Variants in PTPDC1 observed in about 807,000 individuals in gnomAD.
PTPDC1 encodes the protein protein tyrosine phosphatase domain-containing protein 1.
In PTPDC1, 53 loss-of-function variants were observed where a neutral mutation model predicts 75.3. The ratio of observed to expected loss-of-function variants is 0.70; its 90% CI spans 0.56 to 0.88. The LOEUF (loss-of-function observed/expected upper bound fraction) is 0.88. PTPDC1 is among the 40% of genes least tolerant of loss of function. The probability of loss-of-function intolerance (pLI) is 0.00; values close to 1 mark genes in which losing one functional copy is unlikely to be tolerated. For synonymous variants in PTPDC1, 349 were observed against 366.2 expected (o/e 0.95, Z 0.54); for missense variants, 925 against 998.6 (o/e 0.93, Z 0.99).
chr9:94,101,741 TA>T lies in PTPDC1; in HGVS notation c.2190del (p.Leu730PhefsTer2). On this transcript the variant is annotated frameshift_variant, in exon 7 of 9. Coordinates refer to ENST00000620992, the MANE Select transcript of PTPDC1 (RefSeq NM_001253829.2). LOFTEE classifies it high-confidence loss of function. ...RRADAAEALF[L>X]LEKGQHQTIL... ...GCAGATGCCGCAGAAGCACTTTTTT[TA>T]TTAGAGAAGGTAAAGTGGCTGTAGG... 6.2e-6 allele frequency: 10 copies of T among 1,609,290 alleles called. No individual in the cohort carries two copies. The highest frequency in any genetic ancestry group is 8.5e-6 in the Non-Finnish European group (10 of 1,177,066).
At chr9:94,103,027 C>CCT (rs1554700448) in intron 7 of PTPDC1, among the ~76,000 whole-genome samples, 1 of 151,492 alleles carries the variant, frequency 6.6e-6, no homozygotes, top group Non-Finnish European at 1.5e-5. Context: ...CACACGGACA[C>CCT]ATGGACGGAT....
chr9:94,089,347 C>G (rs561203878), intron 4 of PTPDC1, among the ~76,000 whole-genome samples: 2 of 149,796 alleles, frequency 1.3e-5, no homozygotes, highest in Admixed American at 6.7e-5. Flanking sequence ...TTTGTTCTTG[C>G]GATAGTTTAC....
rs78265453 is a variant in PTPDC1 at position 94,101,415 on chromosome 9, G to A, written c.2014-151G>A. ...GTCCAGTGTCCAGCCTGGAAGTGGA[G>A]AGGCTGGGAGGGGTCCCAGTTCTGC... On this transcript the variant is annotated intron_variant, in intron 6 of 8. Transcript: ENST00000620992. 1,749 of 526,742 alleles carry A rather than the reference G, an allele frequency of 3.3e-3. 17 individuals carry two copies. Among genetic ancestry groups the A allele is most frequent in the African/African-American group, 0.029 (1,507 of 51,628 alleles). 32.6% of individuals were successfully genotyped at this position (526,742 alleles called of 1,614,324 possible).
At position 94,084,570 on chromosome 9, in the gene PTPDC1, C is replaced by T. The variant is rs150533410; in HGVS notation, c.40C>T (p.Arg14Cys). Reference protein sequence around the residue: ...QDATRRPSAVRFLSSFLQGRR... With the variant: ...QDATRRPSAVCFLSSFLQGRR... ...TGCAACCAGGCGGCCCTCAGCCGTG[C>T]GCTTCCTCAGCTCCTTTCTCCAGGG... The change falls in exon 1 of 9, where the codon CGC (arginine) becomes TGC (cysteine). Residue 14 changes from arginine to cysteine, a missense_variant. Coordinates refer to ENST00000620992, the MANE Select transcript of PTPDC1 (RefSeq NM_001253829.2). The T allele has an allele frequency of 1.6e-4, 252 of 1,613,404 alleles. No individual in the cohort carries two copies. The highest frequency in any genetic ancestry group is 1.7e-4 in the Middle Eastern group (1 of 5,810).
chr9:94,031,165 A>T (rs1475905133), intron 1 of PTPDC1: 1 of 152,208 alleles, frequency 6.6e-6, no homozygotes, highest in Non-Finnish European at 1.5e-5. Flanking sequence ...CACACTCAGT[A>T]TGGTTCTTTC....
upstream of PTPDC1, chr9:94,084,404 C>A (rs1826987868): frequency 2.1e-6 from 3 of 1,440,166 alleles, no homozygotes; most frequent in Non-Finnish European, 2.7e-6. Context: ...CCATGGAAAC[C>A]AGTCAGCCAA....
At chr9:94,049,484 G>T (rs1587846506) in intron 1 of PTPDC1, among the ~76,000 whole-genome samples, 1 of 152,116 alleles carries the variant, frequency 6.6e-6, no homozygotes, top group African/African-American at 2.4e-5. Flanking sequence ...GCTTAGTTTG[G>T]CTGGATATGA....
chr9:94,032,447 C>G (rs1026652350), intron 1 of PTPDC1, among the ~76,000 whole-genome samples: 1 of 152,206 alleles, frequency 6.6e-6, no homozygotes, highest in African/African-American at 2.4e-5. Flanking sequence ...AATTTCTCCT[C>G]CCAAACAGAG....
intron 2 of PTPDC1, 58 bp from the exon 3 acceptor site, chr9:94,087,773 T>C: frequency 8.1e-7 from 1 of 1,231,648 alleles, no homozygotes; most frequent in Non-Finnish European, 1.2e-6. Flanking sequence ...GAACATCTCT[T>C]TGGACTGGAA....
intron 1 of PTPDC1, among the ~76,000 whole-genome samples, chr9:94,054,224 T>A (rs914297): frequency 0.57 from 87,228 of 151,982 alleles, 25,400 homozygotes; most frequent in Admixed American, 0.69. Context: ...TGGGAGAGTG[T>A]TTTAAATTTT....
chr9:94,094,153 T>C (rs891329943), intron 4 of PTPDC1, among the ~76,000 whole-genome samples: 3 of 152,162 alleles, frequency 2.0e-5, no homozygotes, highest in Admixed American at 1.3e-4. Context: ...GGAGGAGAGG[T>C]GCTCTACTTT....
At chr9:94,101,789 A>C in intron 7 of PTPDC1, 38 bp downstream of exon 7, 2 of 1,254,624 alleles carry the variant, frequency 1.6e-6, no homozygotes, top group Non-Finnish European at 2.2e-6. Context: ...ACTGTAACTG[A>C]GGCCCTTAGT....
intron 7 of PTPDC1, 94 bp downstream of exon 7, chr9:94,101,845 C>T (rs1827854737): frequency 3.0e-6 from 2 of 671,810 alleles, no homozygotes; most frequent in Non-Finnish European, 4.8e-6. Flanking sequence ...AGAGAATTCA[C>T]ACAGAATCCC....
At position 94,084,746 on chromosome 9, in the gene PTPDC1, C is replaced by T; in HGVS notation, c.216C>T (p.Asn72=). 1.3e-6 allele frequency: 2 copies of T among 1,582,660 alleles called. No individual in the cohort carries two copies. The highest frequency in any genetic ancestry group is 1.7e-6 in the Non-Finnish European group (2 of 1,167,776). The change falls in exon 1 of 9, where the codon AAC becomes AAT. Residue 72 remains asparagine, a synonymous_variant. Transcript: ENST00000620992. The stretch of plus-strand genomic sequence containing the variant: ...CCTCAGTCAGCCATGCAGAGGGAAA[C>T]CCAACTTTCCCCGAAAGAAAAAGTA... ...AVSSVSHAEG[N]PTFPERKSKG...
In PTPDC1 at chr9:94,109,004, A is replaced by G. The variant is rs115642719; in HGVS notation, c.*1060A>G. The stretch of plus-strand genomic sequence containing the variant: ...CCCAAATCTGCCACTCCATAGACCC[A>G]CTTGCCTCAAGGCTTTATATTTGGC... On this transcript the variant is annotated 3_prime_UTR_variant, in exon 9 of 9. Transcript: ENST00000620992. 2,250 of 152,420 alleles carry G rather than the reference A, an allele frequency of 0.015. 42 individuals are homozygous for G. Among genetic ancestry groups the G allele is most frequent in the African/African-American group, 0.051 (2,107 of 41,560 alleles). 9.4% of individuals were successfully genotyped at this position (152,420 alleles called of 1,614,324 possible).
intron 4 of PTPDC1, among the ~76,000 whole-genome samples, chr9:94,088,466 A>G (rs918982669): frequency 6.6e-6 from 1 of 152,210 alleles, no homozygotes; most frequent in Non-Finnish European, 1.5e-5. Flanking sequence ...GGATGTTGGG[A>G]GGAGACCCTG....
At chr9:94,052,856 G>A (rs2118460518) in intron 1 of PTPDC1, among the ~76,000 whole-genome samples, 1 of 152,250 alleles carries the variant, frequency 6.6e-6, no homozygotes, top group East Asian at 1.9e-4. Context: ...TTGGCCTTTT[G>A]TTGAGCTTCG....
At chr9:94,054,636 C>A (rs924160464) in intron 1 of PTPDC1, among the ~76,000 whole-genome samples, 1 of 152,064 alleles carries the variant, frequency 6.6e-6, no homozygotes, top group African/African-American at 2.4e-5. Flanking sequence ...AATATCTGCA[C>A]AAAGGAAAAC....
In PTPDC1 at chr9:94,109,401, G is replaced by A. The variant is rs1422846209; in HGVS notation, c.*1457G>A. Reference sequence around the variant, plus strand: ...ATCAAAAATATTTCAGTCATTATCAGTCTCATTAACTGAAATGCCAAATGC... The same window carrying A: ...ATCAAAAATATTTCAGTCATTATCAATCTCATTAACTGAAATGCCAAATGC... On this transcript the variant is annotated 3_prime_UTR_variant, in exon 9 of 9. Coordinates refer to ENST00000620992, the MANE Select transcript of PTPDC1 (RefSeq NM_001253829.2). 6.6e-6 allele frequency: 1 copy of A among 152,146 alleles called. No homozygotes were observed. The highest frequency in any genetic ancestry group is 2.4e-5 in the African/African-American group (1 of 41,432). The allele number at this position is 152,146 out of a possible 1,614,324, so 9.4% of individuals were successfully genotyped here.
Sources: gnomAD v4.1 joint callset for allele counts (sites outside exome capture counted in the v4.1 genomes callset) on GRCh38, gnomAD v4.1.1 for gene constraint, MANE v1.5 for transcripts, NCBI Gene and HGNC (gene_info 2026-07-23, HGNC 2026-07-21) for gene names.